The following TANC2 variants were observed in gnomAD, a reference collection of about 807,000 sequenced individuals.
The protein encoded by TANC2 is tetratricopeptide repeat, ankyrin repeat and coiled-coil containing 2.
In TANC2, 26 loss-of-function variants were observed where a neutral mutation model predicts 210.5. That is an observed-to-expected ratio of 0.12 (90% CI 0.09 to 0.17). The LOEUF (loss-of-function observed/expected upper bound fraction) is 0.17. Among genes scored for constraint, TANC2 ranks in the 10% least tolerant of loss-of-function variants. The probability of loss-of-function intolerance (pLI) is 1.00; values close to 1 mark genes in which losing one functional copy is unlikely to be tolerated. For missense variants in TANC2, 2,129 were observed against 2,608.9 expected, an observed-to-expected ratio of 0.82 and a Z score of 4.01; for synonymous variants, 931 against 967.1, an observed-to-expected ratio of 0.96 and a Z score of 0.69.
At chr17:63,347,542 CA>C (rs1309835507) in intron 12 of TANC2, among the ~76,000 whole-genome samples, 1 of 151,982 alleles carries the variant, frequency 6.6e-6, no homozygotes, top group Admixed American at 6.6e-5. Context: ...GGAGTTTTTT[CA>C]ATGGAAAACA....
chr17:63,405,360 G>A, intron 20 of TANC2, 105 bp downstream of exon 20: 2 of 1,316,420 alleles, frequency 1.5e-6, no homozygotes, highest in African/African-American at 2.9e-5. Flanking sequence ...GGGTTACCCA[G>A]CAGTGATCAG....
At chr17:63,193,151 T>C (rs1253990526) in intron 5 of TANC2, among the ~76,000 whole-genome samples, 2 of 152,182 alleles carry the variant, frequency 1.3e-5, no homozygotes, top group East Asian at 1.9e-4. Context: ...AAATAAGTTA[T>C]CTAAATGTTT....
chr17:63,393,730 T>A (rs2048054486), intron 17 of TANC2: 1 of 151,974 alleles, frequency 6.6e-6, no homozygotes, highest in Non-Finnish European at 1.5e-5. Context: ...AATATTAGGA[T>A]CCATCAGTGA....
chr17:63,193,967 T>G (rs1294252523), intron 5 of TANC2, 24 bp from the exon 6 acceptor site: 11 of 1,599,820 alleles, frequency 6.9e-6, no homozygotes, highest in Non-Finnish European at 7.7e-6. Context: ...AAGATTCATG[T>G]TCTTCAATGC....
chr17:63,057,220 AC>A, intron 2 of TANC2, among the ~76,000 whole-genome samples: 1 of 152,306 alleles, frequency 6.6e-6, no homozygotes, highest in East Asian at 1.9e-4. Flanking sequence ...TTTATGACAT[AC>A]CTGCATAGGA....
intron 9 of TANC2, among the ~76,000 whole-genome samples, chr17:63,297,186 A>G (rs556795849): frequency 5.3e-5 from 8 of 152,280 alleles, no homozygotes; most frequent in African/African-American, 1.9e-4. Context: ...CAAAATTCCA[A>G]CAGCCTGTTG....
intron 9 of TANC2, among the ~76,000 whole-genome samples, chr17:63,311,836 G>A (rs1004083213): frequency 1.1e-4 from 17 of 152,176 alleles, no homozygotes; most frequent in African/African-American, 4.1e-4. Flanking sequence ...GAAGTCAGAA[G>A]TAAAAGGCCA....
chr17:63,313,929 G>C (rs547064459), intron 9 of TANC2, among the ~76,000 whole-genome samples: 1 of 152,182 alleles, frequency 6.6e-6, no homozygotes, highest in East Asian at 1.9e-4. Context: ...AGCTGCTACG[G>C]TAAGCTGTCT....
rs1236604681 is a variant in TANC2, at chr17:63,174,951, A to G, written c.434-19040A>G. ...TTTGATCAAGACTTGTACACTAAAA[A>G]TTATAAATAAACATTGTTAAGACCA... On this transcript the variant is annotated intron_variant, in intron 5 of 27. Transcript: ENST00000689528. Among the ~76,000 whole-genome samples, 4 of 152,200 alleles carry G rather than the reference A, an allele frequency of 2.6e-5. 1 individual carries two copies. In the South Asian group the frequency reaches 8.3e-4, roughly 32 times the overall value.
chr17:63,258,038 T>G (rs1432723340), intron 8 of TANC2, among the ~76,000 whole-genome samples: 9 of 152,236 alleles, frequency 5.9e-5, no homozygotes, highest in Non-Finnish European at 1.3e-4. Flanking sequence ...GTAGCACAGG[T>G]CTGATGTTAA....
At chr17:63,341,874 C>A (rs1188339180) in intron 12 of TANC2, among the ~76,000 whole-genome samples, 2 of 152,206 alleles carry the variant, frequency 1.3e-5, no homozygotes, top group African/African-American at 4.8e-5. Context: ...TGGCCAGTAT[C>A]CAACCTACTT....
intron 7 of TANC2, among the ~76,000 whole-genome samples, chr17:63,211,363 C>T (rs1251098846): frequency 4.6e-5 from 7 of 152,258 alleles, no homozygotes; most frequent in Non-Finnish European, 8.8e-5. Flanking sequence ...AGCCTTCTCT[C>T]CCACTTCTTT....
chr17:63,338,608 C>G (rs1362633029), intron 11 of TANC2, among the ~76,000 whole-genome samples: 1 of 152,156 alleles, frequency 6.6e-6, no homozygotes, highest in East Asian at 1.9e-4. Flanking sequence ...TGCTGACAGC[C>G]TTTCTCTTTA....
chr17:63,086,052 T>A (rs796103657), intron 3 of TANC2, among the ~76,000 whole-genome samples: 28 of 152,178 alleles, frequency 1.8e-4, no homozygotes, highest in African/African-American at 6.5e-4. Flanking sequence ...CCACTTTATT[T>A]CATTCTATCT....
intron 27 of TANC2, among the ~76,000 whole-genome samples, chr17:63,419,622 G>GT (rs936168265): frequency 2.6e-5 from 4 of 152,018 alleles, no homozygotes; most frequent in East Asian, 1.9e-4. Flanking sequence ...TAAATATGTA[G>GT]TTTTTTTTGT....
chr17:63,133,487 T>A (rs996146476), intron 4 of TANC2, among the ~76,000 whole-genome samples: 69 of 150,592 alleles, frequency 4.6e-4, no homozygotes, highest in Non-Finnish European at 7.7e-4. Flanking sequence ...AAAAAAAAAA[T>A]GGAATAACCT....
intron 2 of TANC2, among the ~76,000 whole-genome samples, chr17:63,062,461 A>G (rs2036029307): frequency 6.6e-6 from 1 of 152,216 alleles, no homozygotes; most frequent in South Asian, 2.1e-4. Context: ...TCAAGAGTAC[A>G]CATGGCTAAA....
chr17:63,129,639 G>C (rs1345169181), intron 4 of TANC2, among the ~76,000 whole-genome samples: 2 of 152,042 alleles, frequency 1.3e-5, no homozygotes, highest in Non-Finnish European at 1.5e-5. Context: ...AACATAAGTA[G>C]CTGTACATGA....
chr17:63,269,310 G>A, intron 9 of TANC2, among the ~76,000 whole-genome samples: 1 of 152,082 alleles, frequency 6.6e-6, no homozygotes, highest in East Asian at 1.9e-4. Flanking sequence ...GCAACTGTGT[G>A]TTTACAGTCC....
Sources: gnomAD v4.1 joint callset for allele counts (sites outside exome capture counted in the v4.1 genomes callset) on GRCh38, gnomAD v4.1.1 for gene constraint, MANE v1.5 for transcripts, NCBI Gene and HGNC (gene_info 2026-07-23, HGNC 2026-07-21) for gene names.